The following GBF1 variants were observed in gnomAD, a reference collection of about 807,000 sequenced individuals.
The protein encoded by GBF1 is golgi brefeldin A resistant guanine nucleotide exchange factor 1, also known as Golgi-specific brefeldin A-resistance guanine nucleotide exchange factor 1.
A neutral mutation model predicts 210.5 loss-of-function variants in GBF1; 114 were observed. The ratio of observed to expected loss-of-function variants is 0.54; its 90% CI spans 0.47 to 0.63. The LOEUF (loss-of-function observed/expected upper bound fraction) is 0.63. Ranked by LOEUF, GBF1 falls within the 30% of genes least tolerant of loss-of-function variation. GBF1 has a pLI of 0.00. For missense variants in GBF1, 1,851 were observed against 2,357.7 expected (o/e 0.79, Z 4.45); for synonymous variants, 850 against 889.2 (o/e 0.96, Z 0.78).
Position 102,353,645 on chromosome 10 carries a change from C to A in GBF1, c.630C>A (p.Asn210Lys). 1 of 1,608,594 alleles carries A rather than the reference C, an allele frequency of 6.2e-7. No homozygotes were observed. Among genetic ancestry groups the A allele is most frequent in the Non-Finnish European group, 8.5e-7 (1 of 1,174,932 alleles). The stretch of plus-strand genomic sequence containing the variant: ...AACCCAAGAACTATGTGGGGACCAA[C>A]ATGAAGAAGGTATGATCTGAGAGCT... Reference protein sequence around the residue: ...KEEPKNYVGTNMKKLKMRAGG... With the variant: ...KEEPKNYVGTKMKKLKMRAGG... Residue 210 changes from asparagine (N) to lysine (K), a missense_variant, in exon 8 of 40, where the codon AAC becomes AAA. Physicochemically the swap from Asn to Lys is moderately conservative, Grantham distance 94. Around this residue, in one of 3 missense-constraint regions of GBF1, gnomAD observed 804 missense variants for 958.6 expected, o/e 0.84. Coordinates refer to ENST00000369983, the MANE Select transcript of GBF1 (RefSeq NM_001377137.1).
intron 39 of GBF1, 53 bp downstream of exon 39, chr10:102,381,308 A>G: frequency 6.3e-7 from 1 of 1,587,048 alleles, no homozygotes; most frequent in Non-Finnish European, 8.6e-7. Context: ...CAGGGGGCCT[A>G]AGAGGAGGCC....
chr10:102,380,219 C>T, intron 36 of GBF1, 30 bp from the exon 37 acceptor site: 1 of 1,462,444 alleles, frequency 6.8e-7, no homozygotes, highest in Non-Finnish European at 9.6e-7. Flanking sequence ...CCTACAGTCC[C>T]CTCAGCTGAA....
At chr10:102,361,495 A>G (rs1235333926) in intron 13 of GBF1, among the ~76,000 whole-genome samples, 1 of 152,218 alleles carries the variant, frequency 6.6e-6, no homozygotes, top group African/African-American at 2.4e-5. Context: ...GCAAGAGGCA[A>G]CTTGTCTGGG....
At chr10:102,370,623 C>A in intron 28 of GBF1, 84 bp from the exon 29 acceptor site, 1 of 1,411,170 alleles carries the variant, frequency 7.1e-7, no homozygotes, top group Non-Finnish European at 1.0e-6. Flanking sequence ...GGTATAATAC[C>A]AATGAGTCCT....
rs191870903 is a variant in GBF1 at position 102,368,242 on chromosome 10, G to A, written c.2667G>A (p.Glu889=). Residue 889 remains glutamate (E), a synonymous_variant, in exon 22 of 40, where the codon GAG becomes GAA. Transcript: ENST00000369983. ...GGAATGAGGAAATTGTAATGCCTGAGGAGCAGACAGGCTTGGTTCGGGAGA... is the reference window on the plus strand; with the variant it reads ...GGAATGAGGAAATTGTAATGCCTGAAGAGCAGACAGGCTTGGTTCGGGAGA... ...AIKNEEIVMP[E]EQTGLVRENY... The A allele has an allele frequency of 1.9e-6, 3 of 1,613,170 alleles. No homozygotes were observed. Among genetic ancestry groups the A allele is most frequent in the African/African-American group, 1.3e-5 (1 of 75,040 alleles).
At chr10:102,365,636 T>C (rs1251460422) in intron 18 of GBF1, 37 bp downstream of exon 18, 1 of 1,540,248 alleles carries the variant, frequency 6.5e-7, no homozygotes, top group Non-Finnish European at 9.0e-7. Context: ...TATAGCCAGG[T>C]ATGGTGGCTC....
intron 24 of GBF1, 56 bp downstream of exon 24, chr10:102,369,443 AT>A: frequency 7.4e-7 from 1 of 1,343,678 alleles, no homozygotes; most frequent in Non-Finnish European, 1.1e-6. Context: ...GCAACATTGT[AT>A]GCTACCTGTA....
chr10:102,256,150 GC>G (rs1050332300), intron 1 of GBF1, among the ~76,000 whole-genome samples: 39 of 152,226 alleles, frequency 2.6e-4, no homozygotes, highest in Admixed American at 1.4e-3. Flanking sequence ...TCGCCATGTT[GC>G]CAAGGCTGGT....
rs143872476 is a variant in GBF1 at position 102,358,118 on chromosome 10, T to C, written c.719T>C (p.Met240Thr). ...AGATCCCCTCGGCCCCCACGCCATA[T>C]GACCAAAGTCACACCAGGTTCAGAG... ...QKRSPRPPRHMTKVTPGSELP... is the reference protein window; with the variant it reads ...QKRSPRPPRHTTKVTPGSELP... The change falls in exon 9 of 40, where the codon ATG (methionine) becomes ACG (threonine). Residue 240 changes from methionine (M) to threonine (T), a missense_variant. Met to Thr is a moderately conservative substitution (Grantham distance 81, BLOSUM62 -1). Coordinates refer to ENST00000369983, the MANE Select transcript of GBF1 (RefSeq NM_001377137.1). 762 of 1,613,100 alleles carry C rather than the reference T, an allele frequency of 4.7e-4. 18 individuals carry two copies. The East Asian group carries it at 0.014, about 29-fold the overall frequency.
Position 102,258,926 on chromosome 10 carries a change from T to C in GBF1, c.-10-3T>C, listed in dbSNP as rs2072829387. On this transcript the variant is annotated splice_polypyrimidine_tract_variant and splice_region_variant and intron_variant, in intron 1 of 39. Coordinates refer to ENST00000369983, the MANE Select transcript of GBF1 (RefSeq NM_001377137.1). ...CAGACTATTATCTTAACTGTTTTGG[T>C]AGGTTTGCCAAGATGGTGGATAAGA... 3 of 1,448,026 alleles carry C rather than the reference T, an allele frequency of 2.1e-6. No homozygotes were observed. Among genetic ancestry groups the C allele is most frequent in the Non-Finnish European group, 2.9e-6 (3 of 1,028,320 alleles). 89.7% of individuals were successfully genotyped at this position (1,448,026 alleles called of 1,614,324 possible).
chr10:102,254,989 G>T (rs1250777308), intron 1 of GBF1, among the ~76,000 whole-genome samples: 3 of 152,112 alleles, frequency 2.0e-5, no homozygotes, highest in African/African-American at 7.2e-5. Context: ...AGACCTAGAA[G>T]GAGATTAGGC....
intron 3 of GBF1, among the ~76,000 whole-genome samples, chr10:102,281,689 C>T (rs2075500079): frequency 6.6e-6 from 1 of 151,026 alleles, no homozygotes; most frequent in Non-Finnish European, 1.5e-5. Context: ...CCAGTTTCCC[C>T]TGTTATTAAC....
chr10:102,319,970 G>A (rs1174731252), intron 3 of GBF1, among the ~76,000 whole-genome samples: 1 of 151,952 alleles, frequency 6.6e-6, no homozygotes, highest in Non-Finnish European at 1.5e-5. Flanking sequence ...CTAAGGTGAT[G>A]TGCCTCTGCC....
intron 15 of GBF1, 79 bp downstream of exon 15, chr10:102,362,743 C>T: frequency 1.9e-6 from 2 of 1,066,332 alleles, no homozygotes; most frequent in Non-Finnish European, 2.8e-6. Context: ...TTTTTCCTGT[C>T]CCCATATCAC....
At chr10:102,333,327 G>C (rs1327686790) in intron 3 of GBF1, among the ~76,000 whole-genome samples, 1 of 152,164 alleles carries the variant, frequency 6.6e-6, no homozygotes, top group Non-Finnish European at 1.5e-5. Context: ...CCTGAACCAA[G>C]CCTAAATTCC....
intron 3 of GBF1, among the ~76,000 whole-genome samples, chr10:102,294,394 T>C (rs1291043127): frequency 6.6e-6 from 1 of 151,106 alleles, no homozygotes; most frequent in Non-Finnish European, 1.5e-5. Flanking sequence ...TTCTTTTTTT[T>C]TTTTTGAGAC....
intron 3 of GBF1, among the ~76,000 whole-genome samples, chr10:102,260,537 T>TCATGA (rs2073075371): frequency 7.5e-6 from 1 of 134,180 alleles, no homozygotes; most frequent in Non-Finnish European, 1.5e-5. Flanking sequence ...GAGTGCAGTG[T>TCATGA]CATGAACTCA....
At chr10:102,235,302 TGAG>T in the GBF1 span, among the ~76,000 whole-genome samples, 2 of 151,464 alleles carry the variant, frequency 1.3e-5, no homozygotes, top group Non-Finnish European at 2.9e-5. Context: ...TGCTGCTGAG[TGAG>T]GAGAAGGCAT....
chr10:102,256,558 C>G (rs549955488), intron 1 of GBF1, among the ~76,000 whole-genome samples: 1,517 of 23,976 alleles, frequency 0.063, 23 homozygotes, highest in African/African-American at 0.29. Flanking sequence ...CTCTGTTGCC[C>G]AGGCTGGATG....
Sources: gnomAD v4.1 joint callset for allele counts (sites outside exome capture counted in the v4.1 genomes callset) on GRCh38, gnomAD v4.1.1 for gene constraint, gnomAD v4.1.1 regional missense constraint, MANE v1.5 for transcripts, NCBI Gene and HGNC (gene_info 2026-07-23, HGNC 2026-07-21) for gene names.